Variants in CGREF1 observed in about 807,000 individuals in gnomAD.
CGREF1 encodes cell growth regulator with EF hand domain protein 1.
Under a neutral mutation model 17.4 loss-of-function variants are expected in CGREF1, and 16 were observed. The ratio of observed to expected loss-of-function variants is 0.92; its 90% confidence interval spans 0.62 to 1.40. The LOEUF (loss-of-function observed/expected upper bound fraction) is 1.40, where lower values mean the gene tolerates loss of function less well. Ranked by LOEUF, CGREF1 falls within the 40% of genes most tolerant of loss-of-function variation. CGREF1 has a pLI of 0.00. For synonymous variants in CGREF1, 142 were observed against 154.6 expected (o/e 0.92, Z 0.61); for missense variants, 296 against 376.4 (o/e 0.79, Z 1.77).
chr2:27,108,610 G>GA (rs1053782218), intron 1 of CGREF1, among the ~76,000 whole-genome samples: 21 of 148,376 alleles, frequency 1.4e-4, no homozygotes, highest in African/African-American at 3.2e-4. Context: ...GAACACTCAA[G>GA]AAAAAAAAAA....
downstream of CGREF1, chr2:27,100,469 T>C: frequency 7.7e-6 from 10 of 1,291,046 alleles, no homozygotes; most frequent in Non-Finnish European, 9.1e-6. Flanking sequence ...TACAGAGTGT[T>C]GCTGTCCTCA....
chr2:27,099,839 C>T, downstream of CGREF1: 1 of 1,558,608 alleles, frequency 6.4e-7, no homozygotes, highest in Non-Finnish European at 8.7e-7. Flanking sequence ...GTCCAGGTTG[C>T]CCTGTTCAGG....
intron 1 of CGREF1, among the ~76,000 whole-genome samples, chr2:27,109,493 G>A (rs1415793556): frequency 2.0e-5 from 3 of 152,064 alleles, no homozygotes; most frequent in Non-Finnish European, 4.4e-5. Context: ...TAATATATGA[G>A]GCAAAAAAGC....
At chr2:27,111,574 G>T (rs538381304) in intron 1 of CGREF1, among the ~76,000 whole-genome samples, 23 of 152,332 alleles carry the variant, frequency 1.5e-4, no homozygotes, top group African/African-American at 5.0e-4. Context: ...GGTGGCGCTC[G>T]TTGGGAGGCT....
At chr2:27,109,781 T>A (rs1671278806) in intron 1 of CGREF1, among the ~76,000 whole-genome samples, 1 of 144,838 alleles carries the variant, frequency 6.9e-6, no homozygotes, top group African/African-American at 2.6e-5. Context: ...GCTACTTGGG[T>A]GGCTGAGGCA....
rs757003133 is a variant in CGREF1 at position 27,102,552 on chromosome 2, G to T, written c.120C>A (p.Pro40=). Residue 40 remains proline (P), a synonymous_variant, in exon 3 of 6, where the codon CCC becomes CCA. Transcript: ENST00000402394. ...CGAGCTGCTCCTGGCCTGGCTGGAA[G>T]GGGTTGGGCAGGAGCTGATGCTGCA... The part of the protein sequence containing the change: ...SEVQHQLLPN[P]FQPGQEQLGL... The T allele has an allele frequency of 6.2e-6, 10 of 1,613,872 alleles. No individual in the cohort carries two copies. The highest frequency in any genetic ancestry group is 8.5e-6 in the Non-Finnish European group (10 of 1,179,942).
intron 1 of CGREF1, among the ~76,000 whole-genome samples, chr2:27,118,365 G>A (rs752898812): frequency 6.6e-6 from 1 of 152,050 alleles, no homozygotes; most frequent in Non-Finnish European, 1.5e-5. Flanking sequence ...TTATCCCTCT[G>A]GTGCCCTTGT....
chr2:27,115,892 A>G (rs984146958), intron 1 of CGREF1, among the ~76,000 whole-genome samples: 1 of 152,166 alleles, frequency 6.6e-6, no homozygotes, highest in Admixed American at 6.5e-5. Flanking sequence ...TGACAACCTT[A>G]GCATTCGGTT....
chr2:27,099,771 C>T (rs754301324), downstream of CGREF1: 9 of 1,607,994 alleles, frequency 5.6e-6, no homozygotes, highest in African/African-American at 1.1e-4. Context: ...CGGCTCCTCA[C>T]ACACCATGGA....
chr2:27,104,748 G>C (rs1448324350), intron 1 of CGREF1: 2 of 1,503,092 alleles, frequency 1.3e-6, no homozygotes, highest in South Asian at 2.6e-5. Context: ...AGATGGAAAG[G>C]AGCGCAGAAA....
At chr2:27,102,464 G>A in intron 3 of CGREF1, 34 bp from the exon 4 acceptor site, 3 of 1,613,070 alleles carry the variant, frequency 1.9e-6, no homozygotes, top group Non-Finnish European at 2.5e-6. Flanking sequence ...CCCGGGAGAG[G>A]TGAGTCTGCA....
intron 2 of CGREF1, among the ~76,000 whole-genome samples, chr2:27,103,278 C>T (rs1272999543): frequency 1.3e-5 from 2 of 152,182 alleles, no homozygotes; most frequent in Non-Finnish European, 2.9e-5. Context: ...CCAGCATACC[C>T]ATTGCACAGT....
chr2:27,100,173 C>T, downstream of CGREF1: 1 of 474,282 alleles, frequency 2.1e-6, no homozygotes, highest in Non-Finnish European at 3.9e-6. Context: ...TGCCCCACAC[C>T]CAGTGAACCT....
downstream of CGREF1, chr2:27,100,209 G>A (rs945238841): frequency 3.6e-5 from 15 of 412,258 alleles, no homozygotes; most frequent in African/African-American, 2.0e-4. Flanking sequence ...AGAGCTCTTC[G>A]GGGCCCTGCG....
At chr2:27,103,028 A>G in intron 2 of CGREF1, 2 of 985,386 alleles carry the variant, frequency 2.0e-6, no homozygotes, top group Non-Finnish European at 2.4e-6. Context: ...GCTCCATGAC[A>G]TAAAATTGAC....
chr2:27,100,408 G>A, downstream of CGREF1: 1 of 1,288,790 alleles, frequency 7.8e-7, no homozygotes, highest in Non-Finnish European at 1.0e-6. Flanking sequence ...CTCACCCTTG[G>A]AGCCCACCTT....
intron 1 of CGREF1, among the ~76,000 whole-genome samples, chr2:27,107,506 G>C (rs951049776): frequency 5.9e-5 from 9 of 151,700 alleles, no homozygotes; most frequent in African/African-American, 2.2e-4. Context: ...GCCCACCTTG[G>C]CCTCCCAAAG....
chr2:27,104,677 C>G, intron 1 of CGREF1: 1 of 1,550,528 alleles, frequency 6.4e-7, no homozygotes, highest in Non-Finnish European at 8.7e-7. Context: ...CACTAGGTGC[C>G]AAGGTGCCCA....
rs546668139 is a variant in CGREF1, at chr2:27,102,388, C to A, written c.189G>T (p.Val63=). 2 of 1,614,078 alleles carry A rather than the reference C, an allele frequency of 1.2e-6. No homozygotes were observed. The highest frequency in any genetic ancestry group is 1.7e-6 in the Non-Finnish European group (2 of 1,180,026). Residue 63 remains valine, a synonymous_variant, in exon 4 of 6, where the codon GTG becomes GTT. Transcript: ENST00000402394. The stretch of plus-strand genomic sequence containing the variant: ...GCTCCCGGCTCAGATGCTCCAGTTG[C>A]ACTTCTGTCCTTCCTAGTCCCTTTA... ...SYLKGLGRTE[V]QLEHLSREQV... is the part of the protein sequence containing the mutation.
Sources: allele counts gnomAD v4.1 joint callset (sites outside exome capture counted in the v4.1 genomes callset), GRCh38; gene constraint gnomAD v4.1.1; transcripts MANE v1.5; gene names NCBI Gene and HGNC (gene_info 2026-07-23, HGNC 2026-07-21).